Variants in STAT3 observed in about 807,000 individuals in gnomAD.
STAT3 encodes the protein signal transducer and activator of transcription 3.
In STAT3, 7 loss-of-function variants were observed where a neutral mutation model predicts 114.3. The ratio of observed to expected loss-of-function variants is 0.06; its 90% confidence interval spans 0.03 to 0.11. The LOEUF (loss-of-function observed/expected upper bound fraction) is 0.11. Among genes scored for constraint, STAT3 ranks in the 10% least tolerant of loss-of-function variants. The pLI is 1.00. For missense variants in STAT3, 364 were observed against 960.9 expected (o/e 0.38, Z 8.21); for synonymous variants, 331 against 354.5 (o/e 0.93, Z 0.74).
chr17:42,324,501 A>G lies in STAT3; in HGVS notation c.1600+210T>C, dbSNP rs1415700077. 6.6e-6 allele frequency among the ~76,000 whole-genome samples: 1 copy of G among 152,070 alleles called. No homozygotes were observed. Among genetic ancestry groups the G allele is most frequent in the Non-Finnish European group, 1.5e-5 (1 of 68,000 alleles). ...CCAGGAGAAAAGAAATCTACCTCCC[A>G]CCTCAAAAATGATCACCTCGACTGA... On this transcript the variant is annotated intron_variant, in intron 17 of 23. Transcript: ENST00000264657. The surrounding 1 kb of genome is among the most constrained non-coding windows in gnomAD (Gnocchi z 4.5).
chr17:42,360,009 G>A (rs903197952), intron 1 of STAT3, among the ~76,000 whole-genome samples: 6 of 137,034 alleles, frequency 4.4e-5, no homozygotes, highest in African/African-American at 1.4e-4. Context: ...GCAGTGAGCC[G>A]AGATCGCGCC....
chr17:42,361,221 C>T (rs2083490336), intron 1 of STAT3, among the ~76,000 whole-genome samples: 1 of 152,168 alleles, frequency 6.6e-6, no homozygotes, highest in Admixed American at 6.5e-5. Flanking sequence ...TGGCTCACAC[C>T]TGTAATCCCA....
intron 4 of STAT3, among the ~76,000 whole-genome samples, chr17:42,342,269 G>A (rs1405687208): frequency 1.3e-5 from 2 of 152,060 alleles, no homozygotes; most frequent in Non-Finnish European, 2.9e-5. Flanking sequence ...GATCACCTGA[G>A]GTCAGGAGTT....
Position 42,333,185 on chromosome 17 carries a change from T to C in STAT3, c.1049+488A>G, listed in dbSNP as rs2082094349. Among the ~76,000 whole-genome samples, 1 of 152,072 alleles carries C rather than the reference T, an allele frequency of 6.6e-6. No homozygotes were observed. Among genetic ancestry groups the C allele is most frequent in the South Asian group, 2.1e-4 (1 of 4,826 alleles). On this transcript the variant is annotated intron_variant, in intron 10 of 23. Transcript: ENST00000264657. The surrounding 1 kb of genome is among the most constrained non-coding windows in gnomAD (Gnocchi z 5.2). Reference sequence around the variant, plus strand: ...CTATTAATCCTGAAACCGAACACCATACTAAGTTTCTGAGGAGGGAAATTT... The same window carrying C: ...CTATTAATCCTGAAACCGAACACCACACTAAGTTTCTGAGGAGGGAAATTT...
intron 15 of STAT3, chr17:42,325,276 G>A: frequency 1.8e-6 from 1 of 551,766 alleles, no homozygotes. Context: ...GCTGCAGTCG[G>A]AATATACCGG....
intron 4 of STAT3, among the ~76,000 whole-genome samples, chr17:42,341,225 T>C (rs2082432416): frequency 6.6e-6 from 1 of 152,228 alleles, no homozygotes; most frequent in Admixed American, 6.5e-5. Flanking sequence ...AAAAACTGTA[T>C]TGGCTCCCCA....
intron 1 of STAT3, among the ~76,000 whole-genome samples, chr17:42,380,746 CTCAAAAAAA>C: frequency 6.6e-6 from 1 of 152,202 alleles, no homozygotes; most frequent in East Asian, 1.9e-4. Flanking sequence ...GAGATCCTGA[CTCAAAAAAA>C]TTAGAAAATT....
Position 42,329,766 on chromosome 17 carries a change from C to A in STAT3, c.1120G>T (p.Asp374Tyr), listed in dbSNP as rs1449703019. The change falls in exon 12 of 24, where the codon GAC (aspartate) becomes TAC (tyrosine). Residue 374 changes from aspartate to tyrosine, a missense_variant. By Grantham distance (160) the Asp-to-Tyr change is radical. This residue lies in a region of STAT3 where 294 missense variants were observed against 745.1 expected (regional missense o/e 0.39). Transcript: ENST00000264657. The part of the protein sequence containing the change: ...IKVCIDKDSG[D>Y]VAALRGSRKF... The stretch of plus-strand genomic sequence containing the variant: ...ACTTACCCTCTGAGAGCTGCAACGT[C>A]CCCAGAGTCTCTGTAAGAACACAGA... 1 of 1,614,212 alleles carries A rather than the reference C, an allele frequency of 6.2e-7. No individual in the cohort carries two copies. The highest frequency in any genetic ancestry group is 1.7e-5 in the Admixed American group (1 of 60,018).
intron 4 of STAT3, among the ~76,000 whole-genome samples, chr17:42,340,523 T>TAAA (rs2082402743): frequency 3.4e-5 from 5 of 147,414 alleles, no homozygotes; most frequent in African/African-American, 7.7e-5. Context: ...AAAAAAAAAT[T>TAAA]TTTTTTTAAC....
intron 14 of STAT3, among the ~76,000 whole-genome samples, chr17:42,328,670 A>T (rs752717558): frequency 1.3e-5 from 2 of 152,222 alleles, no homozygotes; most frequent in Non-Finnish European, 2.9e-5. Context: ...GGCATCCCAA[A>T]GTACGGGGTG....
intron 18 of STAT3, 92 bp downstream of exon 18, chr17:42,323,481 C>T: frequency 2.6e-6 from 4 of 1,565,070 alleles, no homozygotes; most frequent in Non-Finnish European, 3.5e-6. Flanking sequence ...GGCCGCTGGA[C>T]CAAGAGTTCA....
Position 42,329,545 on chromosome 17 carries a change from C to A in STAT3, c.1233+9G>T, listed in dbSNP as rs764966493. ...AGGCCCTTTGTGAAGGGGAGCTCCT[C>A]CCACATACCAAGTGTTTGAATTCTG... On this transcript the variant is annotated intron_variant, in intron 13 of 23. Coordinates refer to ENST00000264657, the MANE Select transcript of STAT3 (RefSeq NM_139276.3). 2 of 1,614,170 alleles carry A rather than the reference C, an allele frequency of 1.2e-6. No individual in the cohort carries two copies. The highest frequency in any genetic ancestry group is 4.5e-5 in the East Asian group (2 of 44,880).
intron 1 of STAT3, among the ~76,000 whole-genome samples, chr17:42,349,132 G>A (rs976571043): frequency 1.6e-4 from 24 of 152,158 alleles, no homozygotes; most frequent in Middle Eastern, 3.2e-3. Flanking sequence ...CCAAAGTGCT[G>A]GGATTACATA....
chr17:42,325,809 G>A (rs967032366), intron 15 of STAT3, among the ~76,000 whole-genome samples: 8 of 152,168 alleles, frequency 5.3e-5, no homozygotes, highest in South Asian at 2.1e-4. Context: ...TGATCCACCC[G>A]CCTCAGCCTC....
chr17:42,342,438 G>A (rs1294053745), intron 4 of STAT3, among the ~76,000 whole-genome samples: 9 of 151,678 alleles, frequency 5.9e-5, no homozygotes, highest in Admixed American at 2.0e-4. Context: ...GGCCGAAATC[G>A]CGTCACTGCA....
chr17:42,321,114 CT>C (rs971943600), intron 21 of STAT3, among the ~76,000 whole-genome samples: 19,508 of 110,086 alleles, frequency 0.18, 1,119 homozygotes, highest in East Asian at 0.26. Context: ...ATTTCTCTCT[CT>C]TTTTTTTTTT....
At chr17:42,330,672 G>A (rs1193186852) in intron 11 of STAT3, among the ~76,000 whole-genome samples, 5 of 151,428 alleles carry the variant, frequency 3.3e-5, no homozygotes, top group Admixed American at 6.6e-5. Context: ...CTCGTGATCC[G>A]CCCGCCTCGG....
intron 1 of STAT3, 100 bp downstream of exon 1, chr17:42,388,179 C>T (rs923630601): frequency 8.4e-7 from 1 of 1,192,236 alleles, no homozygotes; most frequent in Non-Finnish European, 1.1e-6. Flanking sequence ...CCCACTGCAG[C>T]GTCCATCACA....
chr17:42,325,181 G>A, intron 15 of STAT3, 120 bp from the exon 16 acceptor site: 1 of 909,924 alleles, frequency 1.1e-6, no homozygotes, highest in Non-Finnish European at 1.7e-6. Context: ...CACACCTGCT[G>A]CCAACTCTAG....
Sources: gnomAD v4.1 joint callset for allele counts (sites outside exome capture counted in the v4.1 genomes callset) on GRCh38, gnomAD v4.1.1 for gene constraint, gnomAD v4.1.1 regional missense constraint, Gnocchi (gnomAD v3.1) non-coding constraint, MANE v1.5 for transcripts, NCBI Gene and HGNC (gene_info 2026-07-23, HGNC 2026-07-21) for gene names.